DRC8: variants seen among roughly 807,000 people sequenced by gnomAD.
DRC8 encodes dynein regulatory complex subunit 8, also known as dynein regulatory complex protein 8.
At chr1:245,031,819 C>T in the DRC8 span, among the ~76,000 whole-genome samples, 2 of 152,168 alleles carry the variant, frequency 1.3e-5, no homozygotes, top group South Asian at 2.1e-4. Flanking sequence ...TATGGGAGAG[C>T]GACCATCGCT....
chr1:245,065,304 C>T, the DRC8 span, among the ~76,000 whole-genome samples: 8 of 151,866 alleles, frequency 5.3e-5, no homozygotes, highest in Admixed American at 2.0e-4. Context: ...CTGCCCGCCT[C>T]GGCCTCCCAA....
the DRC8 span, among the ~76,000 whole-genome samples, chr1:245,015,453 G>A: frequency 6.6e-6 from 1 of 152,192 alleles, no homozygotes; most frequent in African/African-American, 2.4e-5. Context: ...GCTCACGCCT[G>A]TAATCCCAGC....
chr1:245,047,446 C>A, the DRC8 span, among the ~76,000 whole-genome samples: 1 of 151,930 alleles, frequency 6.6e-6, no homozygotes, highest in Non-Finnish European at 1.5e-5. Flanking sequence ...ACCAGCCTGG[C>A]CAACATGGTA....
chr1:245,088,315 GACAC>G, the DRC8 span, among the ~76,000 whole-genome samples: 144 of 145,596 alleles, frequency 9.9e-4, 1 homozygote, highest in African/African-American at 3.3e-3. The surrounding 1 kb of genome is among the most constrained non-coding windows in gnomAD (Gnocchi z 4.6). Flanking sequence ...GTTATAACAA[GACAC>G]ACACACACAC....
chr1:245,092,360 T>C, the DRC8 span, among the ~76,000 whole-genome samples: 146,424 of 152,322 alleles, frequency 0.96, 70,645 homozygotes, highest in East Asian at 1. Context: ...TCTCTCCTAG[T>C]TTCCTGTCTT....
At chr1:245,038,236 C>T in the DRC8 span, among the ~76,000 whole-genome samples, 4 of 152,142 alleles carry the variant, frequency 2.6e-5, no homozygotes, top group East Asian at 7.7e-4. Flanking sequence ...TTTGGGAGGC[C>T]GAGGCAAGCA....
chr1:245,018,662 G>C, the DRC8 span, among the ~76,000 whole-genome samples: 4 of 152,118 alleles, frequency 2.6e-5, no homozygotes, highest in African/African-American at 9.7e-5. Flanking sequence ...GGGGGCGGGG[G>C]ACAGAGGTAT....
chr1:245,108,077 A>C, the DRC8 span, among the ~76,000 whole-genome samples: 2 of 151,564 alleles, frequency 1.3e-5, no homozygotes, highest in African/African-American at 4.9e-5. Flanking sequence ...AGTCAAGTCC[A>C]CCCCGTCTTT....
chr1:245,087,178 T>C, the DRC8 span: 1 of 1,566,106 alleles, frequency 6.4e-7, no homozygotes, highest in African/African-American at 1.4e-5. Flanking sequence ...GCTATTAAGC[T>C]GGCTAGTGGA....
the DRC8 span, among the ~76,000 whole-genome samples, chr1:245,053,654 T>C: frequency 3.9e-5 from 6 of 152,222 alleles, no homozygotes; most frequent in Admixed American, 3.9e-4. Flanking sequence ...TGCCTTTTTT[T>C]CTTATATCAT....
chr1:244,974,236 G>C, the DRC8 span, among the ~76,000 whole-genome samples: 1 of 152,034 alleles, frequency 6.6e-6, no homozygotes. Context: ...TATTGTTTCT[G>C]TCTCTTAGAG....
At chr1:245,077,084 A>G in the DRC8 span, among the ~76,000 whole-genome samples, 1 of 152,070 alleles carries the variant, frequency 6.6e-6, no homozygotes, top group Non-Finnish European at 1.5e-5. Context: ...CTGCTTGATG[A>G]TAGTGATTCA....
At chr1:244,996,470 G>A in the DRC8 span, among the ~76,000 whole-genome samples, 1 of 152,190 alleles carries the variant, frequency 6.6e-6, no homozygotes, top group African/African-American at 2.4e-5. Flanking sequence ...ATCACTGGAA[G>A]CTATCTGGAC....
At chr1:245,087,193 G>GA in the DRC8 span, 2 of 1,586,378 alleles carry the variant, frequency 1.3e-6, no homozygotes, top group East Asian at 4.5e-5. Flanking sequence ...AGTGGAAAGA[G>GA]AAAAAAATCA....
At chr1:245,027,031 C>T in the DRC8 span, among the ~76,000 whole-genome samples, 1 of 152,244 alleles carries the variant, frequency 6.6e-6, no homozygotes, top group African/African-American at 2.4e-5. Flanking sequence ...TATTGGCTGT[C>T]GTATTTTCTC....
the DRC8 span, among the ~76,000 whole-genome samples, chr1:244,992,509 C>A: frequency 6.6e-6 from 1 of 152,136 alleles, no homozygotes; most frequent in Non-Finnish European, 1.5e-5. Context: ...GAGGCTCAGG[C>A]GGGCAGATTA....
At chr1:245,017,749 C>A in the DRC8 span, among the ~76,000 whole-genome samples, 1 of 152,056 alleles carries the variant, frequency 6.6e-6, no homozygotes, top group Non-Finnish European at 1.5e-5. Flanking sequence ...ATGACACACT[C>A]CCCCTGTAAA....
At chr1:244,983,382 G>C in the DRC8 span, among the ~76,000 whole-genome samples, 843 of 152,208 alleles carry the variant, frequency 5.5e-3, 12 homozygotes, top group African/African-American at 0.019. Context: ...ATTTCTTAAA[G>C]ACATATAAAG....
chr1:244,986,993 T>C, the DRC8 span, among the ~76,000 whole-genome samples: 2 of 152,132 alleles, frequency 1.3e-5, no homozygotes, highest in Non-Finnish European at 2.9e-5. Context: ...CATCCTCAAG[T>C]CTGAGGTGGG....
Sources: gnomAD v4.1 joint callset for allele counts (sites outside exome capture counted in the v4.1 genomes callset) on GRCh38, gnomAD v4.1.1 for gene constraint, Gnocchi (gnomAD v3.1) non-coding constraint, MANE v1.5 for transcripts, NCBI Gene and HGNC (gene_info 2026-07-23, HGNC 2026-07-21) for gene names.